The following RASEF variants were observed in gnomAD, a reference collection of about 807,000 sequenced individuals.
The protein encoded by RASEF is RAS and EF-hand domain containing.
RASEF carries 68 observed loss-of-function variants against 90.1 expected under a neutral mutation model. The ratio of observed to expected loss-of-function variants is 0.75; its 90% CI spans 0.62 to 0.92. The LOEUF (loss-of-function observed/expected upper bound fraction) is 0.92, where lower values mean the gene tolerates loss of function less well. Among genes scored for constraint, RASEF ranks in the 40% least tolerant of loss-of-function variants. The probability of loss-of-function intolerance (pLI) is 0.00; values close to 1 mark genes in which losing one functional copy is unlikely to be tolerated. For synonymous variants in RASEF, 331 were observed against 345.2 expected (o/e 0.96, Z 0.46); for missense variants, 949 against 937.2 (o/e 1.01, Z -0.16).
At chr9:83,059,269 T>TAC (rs59546421) in intron 1 of RASEF, among the ~76,000 whole-genome samples, 18,590 of 128,832 alleles carry the variant, frequency 0.14, 1,725 homozygotes, top group African/African-American at 0.27. Flanking sequence ...AAATGCTCAA[T>TAC]ACACACACAC....
chr9:83,080,513 A>T, the RASEF span, among the ~76,000 whole-genome samples: 19 of 152,186 alleles, frequency 1.2e-4, no homozygotes, highest in African/African-American at 4.6e-4. Flanking sequence ...ATAACATACT[A>T]AGGAGGGTAC....
At position 83,055,320 on chromosome 9, in the gene RASEF, G is replaced by C. The variant is rs371929936; in HGVS notation, c.431+7117C>G. The C allele has an allele frequency of 3.6e-5, 14 of 385,896 alleles. No individual in the cohort carries two copies. The East Asian group carries it at 4.6e-4, about 13-fold the overall frequency. 23.9% of individuals were successfully genotyped at this position (385,896 alleles called of 1,614,324 possible). On this transcript the variant is annotated intron_variant, in intron 1 of 16. Transcript: ENST00000376447. ...GTGACCCGATTTTCCAGGTGCGTCC[G>C]TCACCCCTTTCTTTGACTCGGAAAG...
chr9:83,203,940 T>C, the RASEF span, among the ~76,000 whole-genome samples: 1 of 152,146 alleles, frequency 6.6e-6, no homozygotes. Flanking sequence ...GGCAATTCAC[T>C]GCAGAGTGCC....
intron 6 of RASEF, among the ~76,000 whole-genome samples, chr9:83,008,927 T>G (rs1486170807): frequency 1.5e-5 from 2 of 131,182 alleles, no homozygotes; most frequent in African/African-American, 5.6e-5. Flanking sequence ...TATATATATA[T>G]ATATATATGA....
chr9:83,083,603 T>C, the RASEF span, among the ~76,000 whole-genome samples: 1 of 152,004 alleles, frequency 6.6e-6, no homozygotes, highest in East Asian at 1.9e-4. Context: ...ACACACAAAA[T>C]ACAAAAGAAA....
At chr9:83,121,035 T>C in the RASEF span, among the ~76,000 whole-genome samples, 1 of 152,230 alleles carries the variant, frequency 6.6e-6, no homozygotes, top group South Asian at 2.1e-4. Flanking sequence ...TCTGCCTTCA[T>C]ATTACAGTTG....
the RASEF span, among the ~76,000 whole-genome samples, chr9:83,086,983 TC>T: frequency 6.6e-6 from 1 of 152,126 alleles, no homozygotes; most frequent in South Asian, 2.1e-4. Context: ...GAGTTGGGGA[TC>T]ATTGGGGCCA....
chr9:82,997,877 G>A (rs1381499884), intron 13 of RASEF, among the ~76,000 whole-genome samples: 1 of 152,148 alleles, frequency 6.6e-6, no homozygotes, highest in Non-Finnish European at 1.5e-5. Flanking sequence ...ATTTTGTTCC[G>A]AAGGAGTTAA....
At chr9:82,983,545 G>A (rs897283596) in intron 16 of RASEF, among the ~76,000 whole-genome samples, 6 of 152,144 alleles carry the variant, frequency 3.9e-5, no homozygotes, top group African/African-American at 1.2e-4. Context: ...CTCTGCCAGC[G>A]AGATGAGTGC....
intron 1 of RASEF, among the ~76,000 whole-genome samples, chr9:83,039,572 T>C (rs754951506): frequency 1.2e-4 from 18 of 152,124 alleles, no homozygotes; most frequent in East Asian, 1.9e-4. Flanking sequence ...GGACTAACTA[T>C]GGGAAATATG....
chr9:82,985,856 A>C (rs1173514697), intron 16 of RASEF, among the ~76,000 whole-genome samples: 1 of 152,210 alleles, frequency 6.6e-6, no homozygotes, highest in Non-Finnish European at 1.5e-5. Flanking sequence ...TTGTTTAATT[A>C]TAATTTTGGT....
chr9:83,195,439 C>T, the RASEF span, among the ~76,000 whole-genome samples: 1 of 152,054 alleles, frequency 6.6e-6, no homozygotes, highest in Non-Finnish European at 1.5e-5. Flanking sequence ...TGGGTGGAGA[C>T]CTAGGAGGCC....
chr9:82,992,905 C>A lies in RASEF; in HGVS notation c.2040+1G>T. ...TAATTCTGAGGCATCCTCACTCTTA[C>A]CATGGCCAGTTTCTCTCCAAAGTGC... On this transcript the variant is annotated splice_donor_variant, in intron 15 of 16. Transcript: ENST00000376447. LOFTEE classifies it high-confidence loss of function. 1 of 1,613,624 alleles carries A rather than the reference C, an allele frequency of 6.2e-7. No individual in the cohort carries two copies. The highest frequency in any genetic ancestry group is 8.5e-7 in the Non-Finnish European group (1 of 1,179,734).
the RASEF span, among the ~76,000 whole-genome samples, chr9:83,200,452 A>G: frequency 1.3e-5 from 2 of 152,182 alleles, no homozygotes; most frequent in Admixed American, 1.3e-4. Flanking sequence ...AAGCCTCCCA[A>G]TTAGAAGCCT....
At chr9:83,142,915 C>CT in the RASEF span, among the ~76,000 whole-genome samples, 4 of 151,992 alleles carry the variant, frequency 2.6e-5, no homozygotes, top group Non-Finnish European at 4.4e-5. Flanking sequence ...ACAAGATTAT[C>CT]TTTTACATCT....
intron 15 of RASEF, among the ~76,000 whole-genome samples, chr9:82,991,477 G>C (rs1828813567): frequency 6.6e-6 from 1 of 152,160 alleles, no homozygotes. Flanking sequence ...TAAGTGTTGT[G>C]GGCCTAGGTG....
intron 1 of RASEF, among the ~76,000 whole-genome samples, chr9:83,043,053 C>T (rs913629185): frequency 3.3e-5 from 5 of 152,170 alleles, no homozygotes; most frequent in South Asian, 2.1e-4. Flanking sequence ...TGAGTTAGCA[C>T]GGAAAGCTTC....
chr9:83,136,758 T>A, the RASEF span, among the ~76,000 whole-genome samples: 1 of 152,152 alleles, frequency 6.6e-6, no homozygotes, highest in Non-Finnish European at 1.5e-5. Flanking sequence ...CTATTATGTA[T>A]GAAATACAAG....
At chr9:83,191,826 A>G in the RASEF span, among the ~76,000 whole-genome samples, 8 of 152,234 alleles carry the variant, frequency 5.3e-5, no homozygotes, top group Non-Finnish European at 4.4e-5. Context: ...CGTTAGGGAA[A>G]GTTGGATGAA....
Sources: allele counts gnomAD v4.1 joint callset (sites outside exome capture counted in the v4.1 genomes callset), GRCh38; gene constraint gnomAD v4.1.1; transcripts MANE v1.5; gene names NCBI Gene and HGNC (gene_info 2026-07-23, HGNC 2026-07-21).